PPP2R2B: variants seen among roughly 807,000 people sequenced by gnomAD.
PPP2R2B encodes serine/threonine-protein phosphatase 2A 55 kDa regulatory subunit B beta isoform.
PPP2R2B carries 5 observed loss-of-function variants against 46.0 expected under a neutral mutation model. The observed-to-expected ratio is 0.11, with a 90% confidence interval of 0.06 to 0.23. The LOEUF is 0.23. Among genes scored for constraint, PPP2R2B ranks in the 10% least tolerant of loss-of-function variants. PPP2R2B has a pLI of 1.00. For synonymous variants in PPP2R2B, 215 were observed against 206.7 expected (o/e 1.04, Z -0.34); for missense variants, 367 against 575.0 (o/e 0.64, Z 3.70).
chr5:146,600,789 G>A (rs1771708444), intron 7 of PPP2R2B, among the ~76,000 whole-genome samples: 1 of 152,136 alleles, frequency 6.6e-6, no homozygotes, highest in Non-Finnish European at 1.5e-5. Context: ...TGTTAAGATA[G>A]TTAAAAAAAT....
chr5:146,875,440 T>G (rs1391721850), intron 2 of PPP2R2B, among the ~76,000 whole-genome samples: 1 of 152,128 alleles, frequency 6.6e-6, no homozygotes, highest in African/African-American at 2.4e-5. Flanking sequence ...GAAAGTGTCC[T>G]TTAGCATTTG....
At chr5:146,804,110 C>G (rs531917671) in intron 2 of PPP2R2B, among the ~76,000 whole-genome samples, 1 of 151,186 alleles carries the variant, frequency 6.6e-6, no homozygotes, top group South Asian at 2.1e-4. Flanking sequence ...GAGGTTGCAG[C>G]GAGCAGAGAT....
chr5:147,063,507 C>A (rs930463263), intron 2 of PPP2R2B, among the ~76,000 whole-genome samples: 3 of 152,082 alleles, frequency 2.0e-5, no homozygotes, highest in Non-Finnish European at 4.4e-5. Flanking sequence ...AAAAAATGTT[C>A]CAATTATTCA....
At chr5:146,959,519 A>C (rs1389554262) in intron 1 of PPP2R2B, among the ~76,000 whole-genome samples, 1 of 152,174 alleles carries the variant, frequency 6.6e-6, no homozygotes, top group Non-Finnish European at 1.5e-5. Flanking sequence ...GTGAGAATAC[A>C]AATATTTATA....
intron 1 of PPP2R2B, among the ~76,000 whole-genome samples, chr5:147,037,140 A>G (rs1279940009): frequency 7.4e-6 from 1 of 135,452 alleles, no homozygotes; most frequent in Non-Finnish European, 1.6e-5. Context: ...CTCTTGAAGG[A>G]AACTACAGTA....
At chr5:147,012,575 T>G (rs1389433851) in intron 1 of PPP2R2B, among the ~76,000 whole-genome samples, 1 of 152,120 alleles carries the variant, frequency 6.6e-6, no homozygotes, top group Admixed American at 6.6e-5. Context: ...GTGTCTCTAT[T>G]TCCTTCAGTT....
In PPP2R2B at chr5:146,866,098, T is replaced by C. The variant is rs185855551; in HGVS notation, c.70+11904A>G. Among the ~76,000 whole-genome samples the C allele has an allele frequency of 3.9e-5, 6 of 152,288 alleles. No individual in the cohort carries two copies. In the East Asian group the frequency reaches 9.7e-4, roughly 24 times the overall value. On this transcript the variant is annotated intron_variant, in intron 2 of 9. Coordinates refer to ENST00000394411, the MANE Select transcript of PPP2R2B (RefSeq NM_181675.4). Reference sequence around the variant, plus strand: ...CACATACTACAATGGAAGAATTGAGTAGCTGGGACAAAGGCTGTATGGTCA... The same window carrying C: ...CACATACTACAATGGAAGAATTGAGCAGCTGGGACAAAGGCTGTATGGTCA...
At chr5:146,662,209 A>G (rs464913) in intron 5 of PPP2R2B, among the ~76,000 whole-genome samples, 115,360 of 151,964 alleles carry the variant, frequency 0.76, 45,197 homozygotes, top group Non-Finnish European at 0.86. Context: ...CAAGAATCTT[A>G]CAGCTGGAAG....
intron 2 of PPP2R2B, among the ~76,000 whole-genome samples, chr5:146,777,912 T>G (rs1755285086): frequency 6.6e-6 from 1 of 152,154 alleles, no homozygotes; most frequent in Non-Finnish European, 1.5e-5. Flanking sequence ...TACGAGGGAG[T>G]AAAATTCCCA....
chr5:146,904,498 T>A (rs1474543703), intron 1 of PPP2R2B, among the ~76,000 whole-genome samples: 3 of 152,128 alleles, frequency 2.0e-5, no homozygotes, highest in Non-Finnish European at 2.9e-5. Context: ...TTGTAGAAAA[T>A]TCCACAGGCA....
chr5:146,993,806 A>G lies in PPP2R2B; in HGVS notation c.79+61859T>C, dbSNP rs532651219. 9.8e-5 allele frequency among the ~76,000 whole-genome samples: 11 copies of G among 112,260 alleles called. No homozygotes were observed. The South Asian group carries it at 3.2e-3, about 33-fold the overall frequency. The allele number at this position is 112,260 out of a possible 152,430, so 73.6% of individuals were successfully genotyped here. On this transcript the variant is annotated intron_variant, in intron 1 of 8. Coordinates refer to the PPP2R2B transcript ENST00000336640. ...AACATTAACTAGAAATATCCAGCAC[A>G]GTTTTTTTTTTTAAATAAATGTAAG... is the stretch of plus-strand genomic sequence containing the variant.
chr5:147,004,434 G>C (rs1389234400), intron 1 of PPP2R2B, among the ~76,000 whole-genome samples: 2 of 152,124 alleles, frequency 1.3e-5, no homozygotes, highest in East Asian at 3.9e-4. Flanking sequence ...ACTTCCTCCT[G>C]GACACTGGCA....
chr5:146,839,204 A>G (rs1326472016), intron 2 of PPP2R2B, among the ~76,000 whole-genome samples: 1 of 152,226 alleles, frequency 6.6e-6, no homozygotes. Flanking sequence ...AGTCAAATAC[A>G]TATGGATTCA....
At chr5:146,761,917 C>T (rs906027243) in intron 2 of PPP2R2B, among the ~76,000 whole-genome samples, 16 of 152,006 alleles carry the variant, frequency 1.1e-4, no homozygotes, top group Non-Finnish European at 1.0e-4. Context: ...GATAGCAAAC[C>T]GCATTGAGCT....
At chr5:146,967,659 A>G (rs1288448038) in intron 1 of PPP2R2B, among the ~76,000 whole-genome samples, 1 of 152,182 alleles carries the variant, frequency 6.6e-6, no homozygotes, top group Non-Finnish European at 1.5e-5. Context: ...CCTCAGGGGC[A>G]GCCCCACTCA....
rs150968804 is a variant in PPP2R2B at position 146,907,092 on chromosome 5, C to T, written c.79+148573G>A. 1.7e-3 allele frequency among the ~76,000 whole-genome samples: 257 copies of T among 152,120 alleles called. 1 individual carries two copies. Among genetic ancestry groups the T allele is most frequent in the African/African-American group, 5.9e-3 (246 of 41,494 alleles). On this transcript the variant is annotated intron_variant, in intron 1 of 8. Transcript: ENST00000336640. The stretch of plus-strand genomic sequence containing the variant: ...CAGAAGATAGCGCAGGATGCCATTC[C>T]GACAGGGAAGTAGGAAAGTACAGGA...
intron 4 of PPP2R2B, among the ~76,000 whole-genome samples, chr5:146,697,182 A>G (rs916385470): frequency 6.6e-6 from 1 of 152,030 alleles, no homozygotes; most frequent in Admixed American, 6.6e-5. Context: ...TTCTTGGGAG[A>G]GAGTGTTTAA....
chr5:146,835,240 T>C (rs1759209160), intron 2 of PPP2R2B, among the ~76,000 whole-genome samples: 1 of 152,024 alleles, frequency 6.6e-6, no homozygotes, highest in Non-Finnish European at 1.5e-5. Flanking sequence ...TAATAAACAA[T>C]GTATTATATT....
intron 1 of PPP2R2B, among the ~76,000 whole-genome samples, chr5:146,933,970 T>C (rs1330072335): frequency 6.6e-6 from 1 of 152,046 alleles, no homozygotes; most frequent in South Asian, 2.1e-4. Flanking sequence ...CTGAGAATGA[T>C]GATTTCCAAT....
Sources: gnomAD v4.1 joint callset for allele counts (sites outside exome capture counted in the v4.1 genomes callset) on GRCh38, gnomAD v4.1.1 for gene constraint, MANE v1.5 for transcripts, NCBI Gene and HGNC (gene_info 2026-07-23, HGNC 2026-07-21) for gene names.